The following PDE4D variants were observed in gnomAD, a reference collection of about 807,000 sequenced individuals.
PDE4D encodes phosphodiesterase 4D, also known as 3',5'-cyclic-AMP phosphodiesterase 4D.
PDE4D carries 24 observed loss-of-function variants against 87.4 expected under a neutral mutation model. The observed-to-expected ratio is 0.27, with a 90% CI of 0.20 to 0.39. The LOEUF (loss-of-function observed/expected upper bound fraction) is 0.39, where lower values mean the gene tolerates loss of function less well. Ranked by LOEUF, PDE4D falls within the 10% of genes least tolerant of loss-of-function variation. The probability of loss-of-function intolerance (pLI) is 1.00; values close to 1 mark genes in which losing one functional copy is unlikely to be tolerated. For missense variants in PDE4D, 714 were observed against 1,041.0 expected, an observed-to-expected ratio of 0.69 and a Z score of 4.32; for synonymous variants, 384 against 383.2, an observed-to-expected ratio of 1.00 and a Z score of -0.02.
intron 1 of PDE4D, among the ~76,000 whole-genome samples, chr5:59,656,306 A>G (rs1485496831): frequency 6.6e-6 from 1 of 152,204 alleles, no homozygotes; most frequent in Non-Finnish European, 1.5e-5. Context: ...ACAGAAGGGA[A>G]GAAAAGTTGT....
intron 3 of PDE4D, among the ~76,000 whole-genome samples, chr5:59,906,460 C>T (rs13436326): frequency 0.38 from 58,315 of 151,880 alleles, 11,643 homozygotes; most frequent in East Asian, 0.74. Context: ...AAATTCAGCT[C>T]GCTATCTGTT....
At chr5:59,902,402 C>A (rs761033998) in intron 3 of PDE4D, among the ~76,000 whole-genome samples, 2 of 152,070 alleles carry the variant, frequency 1.3e-5, no homozygotes, top group Non-Finnish European at 2.9e-5. Context: ...ATGCATAGAT[C>A]TGTGGACCAT....
chr5:60,403,606 A>T (rs1165081458), intron 1 of PDE4D, among the ~76,000 whole-genome samples: 1 of 152,234 alleles, frequency 6.6e-6, no homozygotes, highest in Admixed American at 6.5e-5. Context: ...CAACAATCAC[A>T]TGAAGCAGGT....
intron 6 of PDE4D, among the ~76,000 whole-genome samples, chr5:59,008,641 G>T (rs1426010372): frequency 6.6e-6 from 1 of 151,938 alleles, no homozygotes; most frequent in Non-Finnish European, 1.5e-5. Context: ...ACTTCTAGAA[G>T]AAAACACAGT....
chr5:59,675,898 C>T (rs925673991), intron 1 of PDE4D, among the ~76,000 whole-genome samples: 65 of 152,102 alleles, frequency 4.3e-4, no homozygotes, highest in African/African-American at 1.5e-3. Context: ...CACTATGTTG[C>T]CCTGGCTGAT....
intron 5 of PDE4D, among the ~76,000 whole-genome samples, chr5:59,164,109 G>A (rs1781548077): frequency 6.6e-6 from 1 of 152,190 alleles, no homozygotes; most frequent in African/African-American, 2.4e-5. Context: ...GCTTGCACAT[G>A]AAAATATTGT....
intron 1 of PDE4D, among the ~76,000 whole-genome samples, chr5:60,358,542 G>C (rs1294505306): frequency 6.6e-6 from 1 of 152,030 alleles, no homozygotes. Context: ...ACCAAGCACT[G>C]CCTTTGGCTT....
intron 1 of PDE4D, among the ~76,000 whole-genome samples, chr5:59,462,283 A>G (rs890050000): frequency 6.6e-6 from 1 of 151,990 alleles, no homozygotes; most frequent in Non-Finnish European, 1.5e-5. Context: ...CACTTGCAAA[A>G]CTATTTCCTT....
At chr5:59,507,611 G>A in intron 1 of PDE4D, among the ~76,000 whole-genome samples, 1 of 138,738 alleles carries the variant, frequency 7.2e-6, no homozygotes, top group Non-Finnish European at 1.5e-5. Context: ...GCTGCAATGA[G>A]TTATGACTAT....
chr5:59,002,126 T>G (rs1750670089), intron 6 of PDE4D: 1 of 491,028 alleles, frequency 2.0e-6, no homozygotes, highest in Non-Finnish European at 4.1e-6. Flanking sequence ...AAAGTAACTT[T>G]AATATCACCC....
chr5:60,015,957 G>A (rs1015098817), intron 2 of PDE4D, among the ~76,000 whole-genome samples: 21 of 149,874 alleles, frequency 1.4e-4, no homozygotes, highest in African/African-American at 3.7e-4. Context: ...GCACGATCTC[G>A]GCTCACTGCA....
intron 1 of PDE4D, among the ~76,000 whole-genome samples, chr5:59,336,908 T>A (rs1777757529): frequency 6.6e-6 from 1 of 152,214 alleles, no homozygotes; most frequent in South Asian, 2.1e-4. Context: ...GAGTCAGGAA[T>A]CTATTTACTC....
At chr5:60,158,998 A>G (rs912333279) in intron 2 of PDE4D, among the ~76,000 whole-genome samples, 2 of 152,240 alleles carry the variant, frequency 1.3e-5, no homozygotes, top group African/African-American at 4.8e-5. Context: ...GCTCAGCTTA[A>G]AACACCAACA....
chr5:60,141,756 A>G (rs1461962980), intron 2 of PDE4D, among the ~76,000 whole-genome samples: 1 of 152,136 alleles, frequency 6.6e-6, no homozygotes, highest in African/African-American at 2.4e-5. Context: ...AATCTTGGAG[A>G]TAATCTAACC....
chr5:58,984,487 T>C (rs1745958669), intron 11 of PDE4D, among the ~76,000 whole-genome samples: 2 of 152,238 alleles, frequency 1.3e-5, no homozygotes, highest in Admixed American at 1.3e-4. Flanking sequence ...GCTATATCTA[T>C]ATAATCACAT....
intron 1 of PDE4D, among the ~76,000 whole-genome samples, chr5:59,468,000 CA>C (rs148395847): frequency 0.019 from 2,829 of 151,100 alleles, 93 homozygotes; most frequent in African/African-American, 0.066. Context: ...AGAAAAAGAT[CA>C]AAAAAAAGTT....
intron 1 of PDE4D, among the ~76,000 whole-genome samples, chr5:59,406,413 T>A (rs182757068): frequency 3.5e-5 from 2 of 57,244 alleles, no homozygotes; most frequent in Admixed American, 2.8e-4. Flanking sequence ...CCCCCCCCCA[T>A]AGAGTCTTGC....
chr5:60,091,932 T>C (rs1198994198), intron 2 of PDE4D, among the ~76,000 whole-genome samples: 2 of 150,448 alleles, frequency 1.3e-5, no homozygotes, highest in Non-Finnish European at 3.0e-5. Flanking sequence ...GTGCCTGTAG[T>C]CCCAGCTACT....
chr5:60,103,317 A>T (rs1450713187), intron 2 of PDE4D, among the ~76,000 whole-genome samples: 1 of 152,212 alleles, frequency 6.6e-6, no homozygotes, highest in Non-Finnish European at 1.5e-5. Context: ...ACCGAGTAGG[A>T]ATATCAAACT....
Sources: allele counts gnomAD v4.1 joint callset (sites outside exome capture counted in the v4.1 genomes callset), GRCh38; gene constraint gnomAD v4.1.1; transcripts MANE v1.5; gene names NCBI Gene and HGNC (gene_info 2026-07-23, HGNC 2026-07-21).